LOC400499: variants seen among roughly 807,000 people sequenced by gnomAD.
the LOC400499 span, among the ~76,000 whole-genome samples, chr16:11,454,849 G>C: frequency 6.6e-6 from 1 of 152,152 alleles, no homozygotes; most frequent in African/African-American, 2.4e-5. Context: ...TTAAGAAAAA[G>C]GGATTGTGAC....
the LOC400499 span, chr16:11,523,286 T>TTTGGGAGCATAG: frequency 2.8e-5 from 11 of 397,462 alleles, 1 homozygote; most frequent in East Asian, 3.9e-4. Context: ...AACTGGTATC[T>TTTGGGAGCATAG]TTGGGAGCAT....
the LOC400499 span, among the ~76,000 whole-genome samples, chr16:11,525,795 C>T: frequency 9.2e-5 from 14 of 152,236 alleles, no homozygotes; most frequent in South Asian, 4.2e-4. Flanking sequence ...ATTTCCTGAA[C>T]GCTTGAACAC....
At chr16:11,448,900 G>A in the LOC400499 span, 9 of 1,444,596 alleles carry the variant, frequency 6.2e-6, no homozygotes, top group Non-Finnish European at 7.4e-6. Flanking sequence ...TTGGCTGCAC[G>A]GGCCTCCTGG....
the LOC400499 span, chr16:11,514,526 G>C: frequency 1.8e-5 from 7 of 399,712 alleles, no homozygotes; most frequent in African/African-American, 1.2e-4. Flanking sequence ...GGTCAGGCGG[G>C]AGGTCAGGCC....
the LOC400499 span, among the ~76,000 whole-genome samples, chr16:11,490,896 T>C: frequency 1.3e-5 from 2 of 152,206 alleles, no homozygotes; most frequent in Non-Finnish European, 2.9e-5. Flanking sequence ...GGAAGACTAA[T>C]TTTCCATTTG....
the LOC400499 span, among the ~76,000 whole-genome samples, chr16:11,526,060 A>G: frequency 6.6e-6 from 1 of 152,172 alleles, no homozygotes; most frequent in Non-Finnish European, 1.5e-5. Context: ...AAACCAACAC[A>G]ATTTACCAAG....
the LOC400499 span, among the ~76,000 whole-genome samples, chr16:11,468,952 G>C: frequency 6.6e-6 from 1 of 152,200 alleles, no homozygotes; most frequent in East Asian, 1.9e-4. Flanking sequence ...ATGTTTTTGT[G>C]TTATTAATAT....
At chr16:11,384,181 A>G in the LOC400499 span, 2 of 1,221,318 alleles carry the variant, frequency 1.6e-6, no homozygotes, top group African/African-American at 1.6e-5. Context: ...CAAGAACCTC[A>G]GCTGGAAGCA....
chr16:11,452,784 C>T, the LOC400499 span, among the ~76,000 whole-genome samples: 15 of 152,346 alleles, frequency 9.8e-5, no homozygotes, highest in Middle Eastern at 6.8e-3. Context: ...AGTTCTTCTC[C>T]ATGCCCTTCT....
the LOC400499 span, among the ~76,000 whole-genome samples, chr16:11,381,439 G>A: frequency 6.6e-6 from 1 of 152,078 alleles, no homozygotes; most frequent in Non-Finnish European, 1.5e-5. Context: ...TTCTAGAGAT[G>A]AGTCTCTAGA....
chr16:11,480,313 C>T, the LOC400499 span, among the ~76,000 whole-genome samples: 1 of 152,186 alleles, frequency 6.6e-6, no homozygotes, highest in African/African-American at 2.4e-5. Flanking sequence ...TCTCTTGCTG[C>T]CCCCAGCTCT....
At chr16:11,424,640 G>A in the LOC400499 span, among the ~76,000 whole-genome samples, 3 of 152,262 alleles carry the variant, frequency 2.0e-5, no homozygotes, top group South Asian at 2.1e-4. Flanking sequence ...CCAGCTCCCC[G>A]AGGAAAGGAC....
the LOC400499 span, among the ~76,000 whole-genome samples, chr16:11,496,295 G>A: frequency 1.3e-5 from 2 of 152,248 alleles, no homozygotes; most frequent in South Asian, 4.1e-4. Flanking sequence ...TCGAACTCCT[G>A]ACCTCAGGTG....
chr16:11,394,904 T>C, the LOC400499 span, among the ~76,000 whole-genome samples: 1 of 152,240 alleles, frequency 6.6e-6, no homozygotes, highest in Non-Finnish European at 1.5e-5. Context: ...ACACCATACC[T>C]GTCTGTTGCA....
At chr16:11,501,997 G>C in the LOC400499 span, 1 of 397,902 alleles carries the variant, frequency 2.5e-6, no homozygotes, top group Non-Finnish European at 4.4e-6. Flanking sequence ...TGGGAACCCA[G>C]GACAGCACGA....
At chr16:11,435,709 G>T in the LOC400499 span, 15 of 399,110 alleles carry the variant, frequency 3.8e-5, no homozygotes, top group Non-Finnish European at 5.3e-5. Context: ...CAGCCCTGGG[G>T]GCACTGAGGA....
At chr16:11,401,909 G>T in the LOC400499 span, 1 of 398,044 alleles carries the variant, frequency 2.5e-6, no homozygotes. Context: ...AGTCCCTTGG[G>T]GATGTGGTAC....
At chr16:11,439,316 A>G in the LOC400499 span, among the ~76,000 whole-genome samples, 1 of 152,134 alleles carries the variant, frequency 6.6e-6, no homozygotes, top group African/African-American at 2.4e-5. Context: ...CCTCCCTGCC[A>G]TCTGTTCTTG....
the LOC400499 span, chr16:11,435,908 G>C: frequency 1.0e-5 from 4 of 399,056 alleles, no homozygotes; most frequent in African/African-American, 8.2e-5. Context: ...GGGACAGGAA[G>C]GGTCTATGGG....
Sources: allele counts gnomAD v4.1 joint callset (sites outside exome capture counted in the v4.1 genomes callset), GRCh38; gene constraint gnomAD v4.1.1; transcripts MANE v1.5.